Variants in PRDM10 observed in about 807,000 individuals in gnomAD.
The protein encoded by PRDM10 is PR domain zinc finger protein 10.
In PRDM10, 65 loss-of-function variants were observed where a neutral mutation model predicts 133.1. The ratio of observed to expected loss-of-function variants is 0.49; its 90% CI spans 0.40 to 0.60. The LOEUF (loss-of-function observed/expected upper bound fraction) is 0.60. Among genes scored for constraint, PRDM10 ranks in the 20% least tolerant of loss-of-function variants. The pLI, the probability that PRDM10 is intolerant of heterozygous loss-of-function variation, is 0.00. For synonymous variants in PRDM10, 582 were observed against 580.4 expected (o/e 1.00, Z -0.04); for missense variants, 1,137 against 1,507.1 (o/e 0.75, Z 4.07).
Position 129,947,633 on chromosome 11 carries a change from C to T in PRDM10, c.295-263G>A. 1 of 1,194,606 alleles carries T rather than the reference C, an allele frequency of 8.4e-7. No homozygotes were observed. 74.0% of individuals were successfully genotyped at this position (1,194,606 alleles called of 1,614,324 possible). A position where few individuals can be genotyped will look rare whatever the true frequency, so the allele number is the denominator to read the frequency against. On this transcript the variant is annotated intron_variant, in intron 4 of 20. Coordinates refer to ENST00000360871, the MANE Select transcript of PRDM10 (RefSeq NM_199437.2). This position sits in a 1 kb window ranked among gnomAD's most constrained non-coding sequence, Gnocchi z 4.6. ...ACACCTGGGAGGGCTGCTAAGAAGG[C>T]TCAGGTGCTCCCTCCTTTGGCAGCA...
At chr11:129,985,962 C>T (rs1168864943) in intron 1 of PRDM10, among the ~76,000 whole-genome samples, 1 of 151,618 alleles carries the variant, frequency 6.6e-6, no homozygotes, top group African/African-American at 2.4e-5. Flanking sequence ...CATACCAATG[C>T]TGCAAGATTA....
At position 129,932,171 on chromosome 11, in the gene PRDM10, C is replaced by A. The variant is rs774932832; in HGVS notation, c.1218G>T (p.Gly406=). The A allele has an allele frequency of 1.2e-6, 2 of 1,614,126 alleles. No homozygotes were observed. The highest frequency in any genetic ancestry group is 1.1e-5 in the South Asian group (1 of 91,080). ...CCAGGCGGATAAATTTTGGAGGACGCCCCGGCCGTCGACCTGGACCGAATC... is the reference window on the plus strand; with the variant it reads ...CCAGGCGGATAAATTTTGGAGGACGACCCGGCCGTCGACCTGGACCGAATC... ...KRRFGPGRRP[G]RPPKFIRLEI... is the part of the protein sequence containing the mutation. Residue 406 remains glycine, a synonymous_variant, in exon 10 of 21, where the codon GGG becomes GGT. Transcript: ENST00000360871.
rs115252010 is a variant in PRDM10, at chr11:129,963,492, A to T, written c.-118-2410T>A. Among the ~76,000 whole-genome samples, 612 of 152,056 alleles carry T rather than the reference A, an allele frequency of 4.0e-3. 2 individuals are homozygous for T. The highest frequency in any genetic ancestry group is 0.014 in the African/African-American group (575 of 41,526). On this transcript the variant is annotated intron_variant, in intron 1 of 20. Transcript: ENST00000360871. ...GTTCCATGTAGGAAACTTTTTTTTT[A>T]AAGTTGTTTATTTTGAAATAACTTC...
chr11:129,983,947 C>T (rs1001201652), intron 1 of PRDM10, among the ~76,000 whole-genome samples: 43 of 152,278 alleles, frequency 2.8e-4, no homozygotes, highest in African/African-American at 9.6e-4. Flanking sequence ...TGAATGCTGC[C>T]GGATCTCCCT....
intron 7 of PRDM10, among the ~76,000 whole-genome samples, chr11:129,941,817 A>T (rs1165494926): frequency 6.6e-6 from 1 of 152,216 alleles, no homozygotes; most frequent in African/African-American, 2.4e-5. Flanking sequence ...TGATATTCGT[A>T]GGTTGAGTGT....
At chr11:129,903,853 C>CA (rs78909928) in intron 20 of PRDM10, among the ~76,000 whole-genome samples, 1 of 151,922 alleles carries the variant, frequency 6.6e-6, no homozygotes, top group East Asian at 1.9e-4. Context: ...AGGTCAGCTG[C>CA]AAAAAATGCA....
chr11:129,902,171 G>C lies in PRDM10; in HGVS notation c.*142C>G. The C allele has an allele frequency of 1.7e-6, 2 of 1,191,234 alleles. No homozygotes were observed. The highest frequency in any genetic ancestry group is 1.2e-6 in the Non-Finnish European group (1 of 868,596). 73.8% of individuals were successfully genotyped at this position (1,191,234 alleles called of 1,614,324 possible). ...GATGACCTTGGCAAAATAAACCCCA[G>C]TGTATGGATGAGAGACAAAACTGTG... On this transcript the variant is annotated 3_prime_UTR_variant, in exon 21 of 21. Transcript: ENST00000360871.
chr11:129,922,970 C>T (rs910729848), intron 13 of PRDM10, among the ~76,000 whole-genome samples: 3 of 152,162 alleles, frequency 2.0e-5, no homozygotes, highest in African/African-American at 4.8e-5. Flanking sequence ...ATCTCAATAG[C>T]GATTTAGTTA....
At chr11:129,937,491 A>G (rs1248408762) in intron 8 of PRDM10, 107 bp downstream of exon 8, 1 of 913,956 alleles carries the variant, frequency 1.1e-6, no homozygotes, top group Non-Finnish European at 1.6e-6. Flanking sequence ...TACTGGAATA[A>G]CTTCTGAAAT....
At position 129,945,088 on chromosome 11, in the gene PRDM10, C is replaced by T. The variant is rs2135875483; in HGVS notation, c.521-76G>A. The T allele has an allele frequency of 6.4e-7, 1 of 1,557,434 alleles. No individual in the cohort carries two copies. Among genetic ancestry groups the T allele is most frequent in the South Asian group, 1.2e-5 (1 of 83,514 alleles). On this transcript the variant is annotated intron_variant, in intron 5 of 20. Transcript: ENST00000360871. The surrounding 1 kb of genome is among the most constrained non-coding windows in gnomAD (Gnocchi z 4.2). ...TGATGTGAGGTAAAAAATTCTGACCCGAAAAATCCCCGTCTGCATTTTCAA... is the reference window on the plus strand; with the variant it reads ...TGATGTGAGGTAAAAAATTCTGACCTGAAAAATCCCCGTCTGCATTTTCAA...
chr11:129,935,171 G>A lies in PRDM10; in HGVS notation c.1087C>T (p.Arg363Ter). Reference sequence around the variant, plus strand: ...TGCAACTGCTCCGAGCTTATAAATCGGCGGTTACATTCATAGCAGGGCCAA... The same window carrying A: ...TGCAACTGCTCCGAGCTTATAAATCAGCGGTTACATTCATAGCAGGGCCAA... ...KNWPCYECNR[R>*]FISSEQLQQH... The change falls in exon 9 of 21, where the codon CGA (arginine) becomes TGA (stop). Residue 363 changes from arginine (R) to a stop codon, truncating the protein, a stop_gained. Coordinates refer to ENST00000360871, the MANE Select transcript of PRDM10 (RefSeq NM_199437.2). LOFTEE classifies it high-confidence loss of function. The A allele has an allele frequency of 3.7e-6, 6 of 1,613,884 alleles. No homozygotes were observed. Among genetic ancestry groups the A allele is most frequent in the Non-Finnish European group, 5.1e-6 (6 of 1,179,882 alleles).
intron 11 of PRDM10, among the ~76,000 whole-genome samples, chr11:129,929,727 G>A (rs959496171): frequency 1.4e-5 from 2 of 146,854 alleles, no homozygotes; most frequent in South Asian, 2.1e-4. Flanking sequence ...TTCACTGCAT[G>A]TGTGGGCTTC....
At chr11:129,994,730 C>T (rs373723062) in intron 1 of PRDM10, among the ~76,000 whole-genome samples, 4 of 152,080 alleles carry the variant, frequency 2.6e-5, no homozygotes, top group Non-Finnish European at 5.9e-5. Flanking sequence ...CAGCTCACTG[C>T]AATCTCCGCC....
chr11:129,909,266 A>AT (rs1328526609), intron 19 of PRDM10, among the ~76,000 whole-genome samples: 1 of 150,294 alleles, frequency 6.7e-6, no homozygotes, highest in East Asian at 2.1e-4. Context: ...CCTGGCAAAC[A>AT]TGGTGAAACC....
At chr11:129,913,015 G>A (rs1362172092) in intron 17 of PRDM10, among the ~76,000 whole-genome samples, 2 of 151,106 alleles carry the variant, frequency 1.3e-5, no homozygotes, top group African/African-American at 2.4e-5. Flanking sequence ...AGCTGAATTC[G>A]TGCCACTGGA....
chr11:129,969,904 A>G (rs1317661936), intron 1 of PRDM10, among the ~76,000 whole-genome samples: 3 of 152,168 alleles, frequency 2.0e-5, no homozygotes, highest in African/African-American at 7.2e-5. Context: ...ACTCATACTT[A>G]AGATTAGATT....
chr11:129,961,291 T>C (rs914924360), intron 1 of PRDM10, among the ~76,000 whole-genome samples: 1 of 151,868 alleles, frequency 6.6e-6, no homozygotes, highest in Non-Finnish European at 1.5e-5. Flanking sequence ...TGGGGTTTTT[T>C]TGGGGGGGTG....
In PRDM10 at chr11:129,918,547, C is replaced by T. The variant is rs747825519; in HGVS notation, c.2206G>A (p.Gly736Ser). 1.2e-6 allele frequency: 2 copies of T among 1,613,584 alleles called. No homozygotes were observed. Among genetic ancestry groups the T allele is most frequent in the East Asian group, 2.2e-5 (1 of 44,870 alleles). ...RLCMMGFRRR[G>S]MLVNHLSKRH... ...AGCCACTGGGCACTGACCAGCATGC[C>T]GCGCCGCCGGAAGCCCATCATGCAC... The change falls in exon 14 of 21, where the codon GGC becomes AGC. Residue 736 changes from glycine (G) to serine (S), a missense_variant. Coordinates refer to ENST00000360871, the MANE Select transcript of PRDM10 (RefSeq NM_199437.2). The surrounding 1 kb of genome is among the most constrained non-coding windows in gnomAD (Gnocchi z 5.3).
chr11:129,983,298 C>CT lies in PRDM10; in HGVS notation c.-119+19423dup, dbSNP rs71473897. Among the ~76,000 whole-genome samples the CT allele has an allele frequency of 1.3e-3, 174 of 135,298 alleles. 1 individual carries two copies. Among genetic ancestry groups the CT allele is most frequent in the East Asian group, 2.0e-3 (9 of 4,566 alleles). The allele number at this position is 135,298 out of a possible 152,430, so 88.8% of individuals were successfully genotyped here. A position where few individuals can be genotyped will look rare whatever the true frequency, so the allele number is the denominator to read the frequency against. ...TGGTCTAAAAATCTTTTTATTTCTC[C>CT]TTTTTTTTTTTTTTTAGACGGAGTC... On this transcript the variant is annotated intron_variant, in intron 1 of 20. Transcript: ENST00000360871.
Sources: allele counts gnomAD v4.1 joint callset (sites outside exome capture counted in the v4.1 genomes callset), GRCh38; gene constraint gnomAD v4.1.1; non-coding constraint Gnocchi (gnomAD v3.1); transcripts MANE v1.5; gene names NCBI Gene and HGNC (gene_info 2026-07-23, HGNC 2026-07-21).